SVIL: variants seen among roughly 807,000 people sequenced by gnomAD.
The protein encoded by SVIL is supervillin.
Under a neutral mutation model 240.4 loss-of-function variants are expected in SVIL, and 101 were observed. That is an observed-to-expected ratio of 0.42 (90% CI 0.36 to 0.50). The LOEUF (loss-of-function observed/expected upper bound fraction) is 0.50. Among genes scored for constraint, SVIL ranks in the 20% least tolerant of loss-of-function variants. The pLI is 0.01. For synonymous variants in SVIL, 999 were observed against 1,100.0 expected, an observed-to-expected ratio of 0.91 and a Z score of 1.82; for missense variants, 2,512 against 2,818.7, an observed-to-expected ratio of 0.89 and a Z score of 2.46.
intron 1 of SVIL, among the ~76,000 whole-genome samples, chr10:29,587,005 C>T (rs992494037): frequency 2.0e-5 from 3 of 152,144 alleles, no homozygotes; most frequent in African/African-American, 7.2e-5. Flanking sequence ...ACATGTTTAC[C>T]TATATAACAA....
intron 3 of SVIL, among the ~76,000 whole-genome samples, chr10:29,652,341 G>A (rs1376667215): frequency 1.3e-5 from 2 of 152,102 alleles, no homozygotes; most frequent in Admixed American, 6.5e-5. Flanking sequence ...CACTTAGCAT[G>A]TTTTCAGGGT....
chr10:29,564,786 T>C (rs1954828440), intron 2 of SVIL, among the ~76,000 whole-genome samples: 4 of 152,138 alleles, frequency 2.6e-5, no homozygotes, highest in African/African-American at 9.7e-5. Context: ...TAATGAAAAG[T>C]CTTGAGAATA....
At chr10:29,460,524 G>A (rs903823392) in intron 36 of SVIL, among the ~76,000 whole-genome samples, 2 of 152,170 alleles carry the variant, frequency 1.3e-5, no homozygotes, top group African/African-American at 4.8e-5. Flanking sequence ...TGGAATAAAC[G>A]TCGAAATTAA....
At chr10:29,470,543 GC>G in intron 31 of SVIL, 60 bp from the exon 32 acceptor site, 1 of 1,589,008 alleles carries the variant, frequency 6.3e-7, no homozygotes. Flanking sequence ...AGCAAACGCG[GC>G]CCTTCCTAGT....
chr10:29,713,271 T>C (rs1963414369), intron 1 of SVIL, among the ~76,000 whole-genome samples: 1 of 151,678 alleles, frequency 6.6e-6, no homozygotes, highest in Non-Finnish European at 1.5e-5. Context: ...TCTGTGTGTG[T>C]GTGTGTGTGT....
chr10:29,552,068 C>T (rs1292738768), intron 5 of SVIL, among the ~76,000 whole-genome samples: 2 of 151,524 alleles, frequency 1.3e-5, no homozygotes, highest in South Asian at 2.1e-4. Context: ...AAGCTATGAT[C>T]GATCATGCCA....
At chr10:29,549,642 A>G (rs1953043135) in intron 6 of SVIL, among the ~76,000 whole-genome samples, 1 of 145,200 alleles carries the variant, frequency 6.9e-6, no homozygotes, top group East Asian at 2.0e-4. Context: ...ACAATGATAG[A>G]CTGGATTAAG....
rs184713573 is a variant in SVIL, at chr10:29,527,109, A to C, written c.2247-53T>G. The C allele has an allele frequency of 3.4e-3, 5,048 of 1,485,176 alleles. 12 individuals carry two copies. The highest frequency in any genetic ancestry group is 4.2e-3 in the Non-Finnish European group (4,495 of 1,070,106). 92.0% of individuals were successfully genotyped at this position (1,485,176 alleles called of 1,614,324 possible). On this transcript the variant is annotated intron_variant, in intron 12 of 37. Transcript: ENST00000355867. The stretch of plus-strand genomic sequence containing the variant: ...CATTCATAAGGAGAGAGAAGAAAAG[A>C]AGCATTAAGGACAGCATAGTTTTAA...
intron 17 of SVIL, among the ~76,000 whole-genome samples, chr10:29,505,528 G>C (rs1303206446): frequency 1.3e-5 from 2 of 151,624 alleles, no homozygotes; most frequent in South Asian, 2.1e-4. Context: ...TGGGCGGTGA[G>C]AGTGATGAGC....
At chr10:29,695,702 C>G (rs1043510077) in intron 1 of SVIL, among the ~76,000 whole-genome samples, 5 of 152,234 alleles carry the variant, frequency 3.3e-5, no homozygotes, top group Non-Finnish European at 5.9e-5. Flanking sequence ...CGAGATTGCA[C>G]CACTGCACTC....
At chr10:29,543,712 G>A (rs1952377253) in intron 6 of SVIL, among the ~76,000 whole-genome samples, 1 of 151,594 alleles carries the variant, frequency 6.6e-6, no homozygotes, top group African/African-American at 2.4e-5. Context: ...GCCTCCTTTA[G>A]TCATCAAACT....
At chr10:29,625,656 G>A (rs967592234) in intron 1 of SVIL, among the ~76,000 whole-genome samples, 5 of 152,104 alleles carry the variant, frequency 3.3e-5, no homozygotes, top group Admixed American at 3.3e-4. Flanking sequence ...TAGAGACGAG[G>A]TTTCACCATG....
intron 34 of SVIL, among the ~76,000 whole-genome samples, 172 bp downstream of exon 34, chr10:29,465,423 C>T (rs114042085): frequency 0.013 from 1,913 of 152,308 alleles, 22 homozygotes; most frequent in African/African-American, 0.031. Context: ...TTTCACTCTC[C>T]TTCCTTTTGG....
chr10:29,493,374 T>C lies in SVIL; in HGVS notation c.3859A>G (p.Thr1287Ala), dbSNP rs1329876358. 6.2e-7 allele frequency: 1 copy of C among 1,614,174 alleles called. No homozygotes were observed. Among genetic ancestry groups the C allele is most frequent in the South Asian group, 1.1e-5 (1 of 91,082 alleles). The change falls in exon 21 of 38, where the codon ACG becomes GCG. Residue 1287 changes from threonine to alanine, a missense_variant. This residue lies in a region of SVIL where 272 missense variants were observed against 406.8 expected (regional missense o/e 0.67). Coordinates refer to ENST00000355867, the MANE Select transcript of SVIL (RefSeq NM_021738.3). The part of the protein sequence containing the change: ...LNNKVGGMHE[T>A]VLTVTGKSVK... ...GATTTGCCGGTGACAGTGAGCACCG[T>C]TTCGTGCATCCCGCCAACTATCAAC...
intron 21 of SVIL, among the ~76,000 whole-genome samples, chr10:29,492,170 G>T (rs1255930504): frequency 3.9e-5 from 6 of 152,060 alleles, no homozygotes; most frequent in Non-Finnish European, 5.9e-5. Context: ...CTCTAAAGGA[G>T]ACCCAGAGCC....
chr10:29,623,928 G>A (rs1000252000), intron 1 of SVIL, among the ~76,000 whole-genome samples: 7 of 152,274 alleles, frequency 4.6e-5, no homozygotes, highest in East Asian at 1.9e-4. Context: ...ACCATCAACC[G>A]TAGTATGTAG....
chr10:29,591,479 G>C (rs911738758), intron 1 of SVIL, among the ~76,000 whole-genome samples: 2 of 152,152 alleles, frequency 1.3e-5, no homozygotes, highest in African/African-American at 4.8e-5. Context: ...TAAAAGTGAG[G>C]CAGTCTTATA....
chr10:29,585,109 T>G (rs10763728), intron 1 of SVIL, among the ~76,000 whole-genome samples: 60,874 of 148,080 alleles, frequency 0.41, 12,730 homozygotes, highest in Admixed American at 0.46. Flanking sequence ...TTGAGACAGG[T>G]TCTCCCTCTG....
At chr10:29,489,106 A>C (rs1412990250) in intron 22 of SVIL, among the ~76,000 whole-genome samples, 2 of 152,254 alleles carry the variant, frequency 1.3e-5, no homozygotes, top group Non-Finnish European at 2.9e-5. Context: ...AACAACTTTT[A>C]CATGTCCAAA....
Sources: allele counts gnomAD v4.1 joint callset (sites outside exome capture counted in the v4.1 genomes callset), GRCh38; gene constraint gnomAD v4.1.1; regional missense constraint gnomAD v4.1.1; transcripts MANE v1.5; gene names NCBI Gene and HGNC (gene_info 2026-07-23, HGNC 2026-07-21).